The following SETDB2 variants were observed in gnomAD, a reference collection of about 807,000 sequenced individuals.
The protein encoded by SETDB2 is SET domain bifurcated histone lysine methyltransferase 2, also known as histone-lysine N-methyltransferase SETDB2.
A neutral mutation model predicts 82.5 loss-of-function variants in SETDB2; 56 were observed. The observed-to-expected ratio is 0.68, with a 90% CI of 0.55 to 0.85. SETDB2 has a LOEUF of 0.85. Among genes scored for constraint, SETDB2 ranks in the 40% least tolerant of loss-of-function variants. The pLI is 0.00. For synonymous variants in SETDB2, 272 were observed against 284.9 expected (o/e 0.95, Z 0.46); for missense variants, 677 against 816.4 (o/e 0.83, Z 2.08).
At chr13:49,486,452 T>C (rs1416915879) in intron 11 of SETDB2, among the ~76,000 whole-genome samples, 2 of 152,232 alleles carry the variant, frequency 1.3e-5, no homozygotes, top group African/African-American at 2.4e-5. Context: ...TTTTGCCTTC[T>C]GCAGGAGAAC....
At chr13:49,486,216 G>A (rs1958595468) in intron 11 of SETDB2, among the ~76,000 whole-genome samples, 1 of 151,666 alleles carries the variant, frequency 6.6e-6, no homozygotes, top group Non-Finnish European at 1.5e-5. Flanking sequence ...GAGGTGGGAG[G>A]ATTGTTGAGG....
Position 49,482,971 on chromosome 13 carries a change from C to T in SETDB2, c.1382+9C>T, listed in dbSNP as rs1467933727. On this transcript the variant is annotated intron_variant, in intron 9 of 13. Transcript: ENST00000611815. The stretch of plus-strand genomic sequence containing the variant: ...CCCAAGGAGCTTACTGTGTAAGTAA[C>T]AGCTGAGGAACCCAGAGTAAATCTA... 2 of 1,511,380 alleles carry T rather than the reference C, an allele frequency of 1.3e-6. No individual in the cohort carries two copies. Among genetic ancestry groups the T allele is most frequent in the South Asian group, 2.3e-5 (2 of 85,196 alleles). 93.6% of individuals were successfully genotyped at this position (1,511,380 alleles called of 1,614,324 possible). A position where few individuals can be genotyped will look rare whatever the true frequency, so the allele number is the denominator to read the frequency against.
rs1958151040 is a variant in SETDB2 at position 49,467,969 on chromosome 13, A to G, written c.305+9A>G. The G allele has an allele frequency of 2.6e-6, 4 of 1,556,086 alleles. No homozygotes were observed. The highest frequency in any genetic ancestry group is 1.8e-5 in the Admixed American group (1 of 54,628). ...GAAGACTGTACATTTCTGTATGTAT[A>G]TAAATTCTTTGTTATTAATGCTTTT... On this transcript the variant is annotated intron_variant, in intron 5 of 13. Coordinates refer to ENST00000611815, the MANE Select transcript of SETDB2 (RefSeq NM_001160308.3).
intron 1 of SETDB2, among the ~76,000 whole-genome samples, chr13:49,451,158 TAAC>T (rs1957778483): frequency 6.6e-6 from 1 of 151,470 alleles, no homozygotes; most frequent in Middle Eastern, 3.4e-3. Flanking sequence ...TCTGAAAGAA[TAAC>T]AATAATTGGT....
intron 8 of SETDB2, chr13:49,482,384 T>C: frequency 2.1e-5 from 19 of 904,726 alleles, no homozygotes; most frequent in Non-Finnish European, 2.5e-5. Flanking sequence ...TGATAACGCC[T>C]TTTTAACTAG....
At position 49,476,453 on chromosome 13, in the gene SETDB2, TAATG is replaced by T. The variant is rs1192444888; in HGVS notation, c.306-19_306-16del. On this transcript the variant is annotated intron_variant, in intron 5 of 13. Transcript: ENST00000611815. ...GAATTGAACTATAAATTTGAGATACTAATGAATAATTTATTTTAACAGAACAACA... is the reference window on the plus strand; with the variant it reads ...GAATTGAACTATAAATTTGAGATACTAATAATTTATTTTAACAGAACAACA... 6 of 1,426,944 alleles carry T rather than the reference TAATG, an allele frequency of 4.2e-6. No individual in the cohort carries two copies. The highest frequency in any genetic ancestry group is 3.9e-5 in the South Asian group (3 of 76,000). The allele number at this position is 1,426,944 out of a possible 1,614,324, so 88.4% of individuals were successfully genotyped here. A position where few individuals can be genotyped will look rare whatever the true frequency, so the allele number is the denominator to read the frequency against.
chr13:49,457,179 A>G (rs1957898127), intron 2 of SETDB2, among the ~76,000 whole-genome samples: 1 of 150,948 alleles, frequency 6.6e-6, no homozygotes, highest in Non-Finnish European at 1.5e-5. Flanking sequence ...AGTTCCTACC[A>G]GAATAATTTA....
At chr13:49,445,136 T>C (rs986235766) in intron 1 of SETDB2, among the ~76,000 whole-genome samples, 3 of 152,194 alleles carry the variant, frequency 2.0e-5, no homozygotes, top group Non-Finnish European at 4.4e-5. Flanking sequence ...TGGTTCCTTA[T>C]TTCGTGTCTG....
chr13:49,483,609 ATTTTTTTTTTTTTTTTTTTTTTTTTTT>A, intron 10 of SETDB2, 46 bp downstream of exon 10: 1 of 218,438 alleles, frequency 4.6e-6, no homozygotes, highest in South Asian at 4.2e-5. Flanking sequence ...TCTTTTTTAA[ATTTTTTTTTTTTTTTTTTTTTTTTTTT>A]TTTTTTTTTT....
Position 49,460,202 on chromosome 13 carries a change from A to G in SETDB2, c.112A>G (p.Lys38Glu). ...AAATGTGCTGCAGTCACTGAAACAAAAGATCAAAGATGGGTCTGCCACCAA... is the reference window on the plus strand; with the variant it reads ...AAATGTGCTGCAGTCACTGAAACAAGAGATCAAAGATGGGTCTGCCACCAA... ...VQNVLQSLKQ[K>E]IKDGSATNKE... is the part of the protein sequence containing the mutation. Residue 38 changes from lysine to glutamate, a missense_variant, in exon 3 of 14, where the codon AAG (lysine) becomes GAG (glutamate). Physicochemically the swap from Lys to Glu is moderately conservative, Grantham distance 56 (BLOSUM62 1). Transcript: ENST00000611815. 6.2e-7 allele frequency: 1 copy of G among 1,613,176 alleles called. No homozygotes were observed. The highest frequency in any genetic ancestry group is 8.5e-7 in the Non-Finnish European group (1 of 1,179,574).
chr13:49,455,828 A>G lies in SETDB2; in HGVS notation c.16+3919A>G, dbSNP rs2045226639. Among the ~76,000 whole-genome samples, 3 of 152,188 alleles carry G rather than the reference A, an allele frequency of 2.0e-5. No individual in the cohort carries two copies. In the South Asian group the frequency reaches 6.2e-4, roughly 32 times the overall value. On this transcript the variant is annotated intron_variant, in intron 2 of 13. Transcript: ENST00000611815. ...TTTAGTTTACAAGTTGAACAATCCCACTAGTATTTTTTCTTGAGACAGCCA... is the reference window on the plus strand; with the variant it reads ...TTTAGTTTACAAGTTGAACAATCCCGCTAGTATTTTTTCTTGAGACAGCCA...
At chr13:49,486,699 G>A (rs1359841946) in intron 11 of SETDB2, among the ~76,000 whole-genome samples, 1 of 152,206 alleles carries the variant, frequency 6.6e-6, no homozygotes, top group East Asian at 1.9e-4. Flanking sequence ...CTGGCAAAAG[G>A]CTAAAATATT....
At chr13:49,482,070 A>G (rs988131691) in intron 8 of SETDB2, 20 of 985,424 alleles carry the variant, frequency 2.0e-5, no homozygotes, top group Non-Finnish European at 2.3e-5. Context: ...TTCATCTCTC[A>G]TACTTCTCAA....
At chr13:49,473,408 G>A (rs1237465128) in intron 5 of SETDB2, among the ~76,000 whole-genome samples, 1 of 151,860 alleles carries the variant, frequency 6.6e-6, no homozygotes, top group Non-Finnish European at 1.5e-5. Flanking sequence ...AAAATTAGCT[G>A]GGCTTTGTGA....
At chr13:49,469,350 A>G (rs963035976) in intron 5 of SETDB2, among the ~76,000 whole-genome samples, 6 of 152,212 alleles carry the variant, frequency 3.9e-5, no homozygotes, top group African/African-American at 1.4e-4. Context: ...TCTCACTTAC[A>G]AAGTGGTCAT....
chr13:49,449,652 A>G lies in SETDB2; in HGVS notation c.-341-1901A>G, dbSNP rs185547031. ...CAAAGTGTACATTTAGTCAGTTTTGATAAGGCCCCTGTAAAGAAGAAGTTA... is the reference window on the plus strand; with the variant it reads ...CAAAGTGTACATTTAGTCAGTTTTGGTAAGGCCCCTGTAAAGAAGAAGTTA... On this transcript the variant is annotated intron_variant, in intron 1 of 13. Transcript: ENST00000611815. Among the ~76,000 whole-genome samples the G allele has an allele frequency of 3.2e-4, 48 of 152,238 alleles. 2 individuals carry two copies. In the East Asian group the frequency reaches 9.1e-3, roughly 29 times the overall value.
chr13:49,467,834 A>G, intron 4 of SETDB2, 30 bp from the exon 5 acceptor site: 3 of 1,542,436 alleles, frequency 1.9e-6, no homozygotes, highest in Non-Finnish European at 2.7e-6. Flanking sequence ...AACTTGGTAT[A>G]TTTGTTGCTC....
chr13:49,449,150 G>GC (rs1217026782), intron 1 of SETDB2, among the ~76,000 whole-genome samples: 1 of 152,112 alleles, frequency 6.6e-6, no homozygotes, highest in Admixed American at 6.5e-5. Flanking sequence ...CTGAGAGTCT[G>GC]CCCTTTAATA....
rs1445091797 is a variant in SETDB2 at position 49,492,215 on chromosome 13, A to G, written c.*366A>G. ...TTTTGTGACTGTTACCTTTTAGTTC[A>G]TGCCCCCCCAAAGAGCTAAATTTCA... On this transcript the variant is annotated 3_prime_UTR_variant, in exon 14 of 14. Transcript: ENST00000611815. 1 of 181,982 alleles carries G rather than the reference A, an allele frequency of 5.5e-6. No individual in the cohort carries two copies. The highest frequency in any genetic ancestry group is 1.2e-5 in the Non-Finnish European group (1 of 85,294). 11.3% of individuals were successfully genotyped at this position (181,982 alleles called of 1,614,324 possible). A position where few individuals can be genotyped will look rare whatever the true frequency, so the allele number is the denominator to read the frequency against.
Sources: allele counts gnomAD v4.1 joint callset (sites outside exome capture counted in the v4.1 genomes callset), GRCh38; gene constraint gnomAD v4.1.1; transcripts MANE v1.5; gene names NCBI Gene and HGNC (gene_info 2026-07-23, HGNC 2026-07-21).